ITGAE: variants seen among roughly 807,000 people sequenced by gnomAD.
ITGAE encodes integrin alpha-E.
In ITGAE, 99 loss-of-function variants were observed where a neutral mutation model predicts 136.5. The observed-to-expected ratio is 0.73, with a 90% CI of 0.62 to 0.86. The LOEUF is 0.86. ITGAE is among the 40% of genes least tolerant of loss of function. The pLI, the probability that ITGAE is intolerant of heterozygous loss-of-function variation, is 0.00. For missense variants in ITGAE, 1,447 were observed against 1,515.3 expected (o/e 0.95, Z 0.75); for synonymous variants, 613 against 591.8 (o/e 1.04, Z -0.52).
intron 26 of ITGAE, chr17:3,724,006 A>G (rs1410085252): frequency 6.3e-7 from 1 of 1,593,644 alleles, no homozygotes; most frequent in Non-Finnish European, 8.5e-7. Flanking sequence ...GGCAGGAGAC[A>G]GCGGCGGCCG....
At chr17:3,761,285 T>TGCCTTGCTCCACTGTGG in intron 5 of ITGAE, 108 bp from the exon 6 acceptor site, 1 of 1,548,896 alleles carries the variant, frequency 6.5e-7, no homozygotes, top group Non-Finnish European at 8.7e-7. Flanking sequence ...GCCTCAACCC[T>TGCCTTGCTCCACTGTGG]GCCTTGCTCC....
At chr17:3,752,930 C>A (rs1315430405) in intron 14 of ITGAE, among the ~76,000 whole-genome samples, 1 of 152,190 alleles carries the variant, frequency 6.6e-6, no homozygotes, top group African/African-American at 2.4e-5. Context: ...TGCCTGTAAT[C>A]CCAGCTACTT....
At chr17:3,740,951 A>G (rs1298897722) in intron 19 of ITGAE, among the ~76,000 whole-genome samples, 2 of 152,196 alleles carry the variant, frequency 1.3e-5, no homozygotes, top group African/African-American at 2.4e-5. Context: ...GGGGAATGAC[A>G]GCCCAGGGCT....
Position 3,759,911 on chromosome 17 carries a change from C to T in ITGAE, c.714+261G>A, listed in dbSNP as rs556170610. Among the ~76,000 whole-genome samples, 13 of 152,204 alleles carry T rather than the reference C, an allele frequency of 8.5e-5. No individual in the cohort carries two copies. In the East Asian group the frequency reaches 1.2e-3, roughly 14 times the overall value. On this transcript the variant is annotated intron_variant, in intron 7 of 30. Coordinates refer to ENST00000263087, the MANE Select transcript of ITGAE (RefSeq NM_002208.5). ...TGGCCCTCTTAGAATGTTGCTGCCA[C>T]GAAAAAGTTGGGCTGGCCTGCTAAA...
intron 30 of ITGAE, among the ~76,000 whole-genome samples, chr17:3,715,567 A>G (rs1457928699): frequency 6.6e-6 from 1 of 152,168 alleles, no homozygotes; most frequent in African/African-American, 2.4e-5. Context: ...TTGTTGGGAG[A>G]AAAAAGCAAG....
chr17:3,715,390 G>A (rs1053945790), intron 30 of ITGAE, among the ~76,000 whole-genome samples: 1 of 152,274 alleles, frequency 6.6e-6, no homozygotes, highest in Non-Finnish European at 1.5e-5. Flanking sequence ...GTTTCTAGAA[G>A]GGAGCTCACA....
intron 11 of ITGAE, 89 bp downstream of exon 11, chr17:3,755,741 C>A: frequency 9.1e-7 from 1 of 1,100,242 alleles, no homozygotes; most frequent in Non-Finnish European, 1.3e-6. Context: ...GGGCAGAGCC[C>A]TGGATGGGAG....
intron 2 of ITGAE, among the ~76,000 whole-genome samples, chr17:3,770,933 A>C (rs1224242426): frequency 6.6e-6 from 1 of 152,102 alleles, no homozygotes; most frequent in Non-Finnish European, 1.5e-5. Flanking sequence ...TAGGCAGGAG[A>C]CAGTTACAGA....
In ITGAE at chr17:3,723,330, A is replaced by G. The variant is rs1458981230; in HGVS notation, c.3195T>C (p.Asn1065=). The change falls in exon 28 of 31, where the codon AAT becomes AAC. Residue 1065 remains asparagine (N), a synonymous_variant. Coordinates refer to ENST00000263087, the MANE Select transcript of ITGAE (RefSeq NM_002208.5). Reference sequence around the variant, plus strand: ...AGGAGATCTCTGCAGCCACGGTGACATTTTCTTTATCTGAAGCGATGACAC... The same window carrying G: ...AGGAGATCTCTGCAGCCACGGTGACGTTTTCTTTATCTGAAGCGATGACAC... ...VSCVIASDKE[N]VTVAAEISWD... The G allele has an allele frequency of 2.5e-6, 4 of 1,613,974 alleles. No individual in the cohort carries two copies. Among genetic ancestry groups the G allele is most frequent in the Admixed American group, 1.7e-5 (1 of 60,024 alleles).
intron 13 of ITGAE, 117 bp downstream of exon 13, chr17:3,753,666 G>T: frequency 2.2e-6 from 3 of 1,348,334 alleles, no homozygotes; most frequent in Non-Finnish European, 3.0e-6. Flanking sequence ...TCAGGAGCCT[G>T]AGTTTCACCC....
At chr17:3,770,804 G>A (rs1007520864) in intron 2 of ITGAE, among the ~76,000 whole-genome samples, 1 of 152,150 alleles carries the variant, frequency 6.6e-6, no homozygotes, top group African/African-American at 2.4e-5. Context: ...AGCCCTCTGC[G>A]ACACGGGCTC....
At chr17:3,762,514 T>A (rs1237121156) in intron 3 of ITGAE, among the ~76,000 whole-genome samples, 3 of 151,986 alleles carry the variant, frequency 2.0e-5, no homozygotes, top group African/African-American at 7.3e-5. Context: ...GTCTTATTTT[T>A]CAGTCATGGA....
chr17:3,746,047 T>C (rs1392056439), intron 17 of ITGAE, 120 bp from the exon 18 acceptor site: 2 of 857,884 alleles, frequency 2.3e-6, no homozygotes, highest in Non-Finnish European at 3.6e-6. Context: ...ATGCAGGTAC[T>C]TCCCTGCGGC....
intron 2 of ITGAE, among the ~76,000 whole-genome samples, chr17:3,771,780 G>C (rs547329392): frequency 6.6e-6 from 1 of 152,032 alleles, no homozygotes; most frequent in African/African-American, 2.4e-5. Flanking sequence ...CAGGTGACCC[G>C]CCCGCCTTGG....
chr17:3,722,176 GAA>G (rs999982025), intron 28 of ITGAE, among the ~76,000 whole-genome samples: 4 of 144,874 alleles, frequency 2.8e-5, no homozygotes, highest in Non-Finnish European at 6.0e-5. Flanking sequence ...TTGAAAGAAA[GAA>G]AAGAAAAGAA....
intron 8 of ITGAE, among the ~76,000 whole-genome samples, chr17:3,758,229 A>G (rs1362359918): frequency 6.6e-6 from 1 of 152,154 alleles, no homozygotes; most frequent in Non-Finnish European, 1.5e-5. Flanking sequence ...CACAAAATCT[A>G]TCAGGCAAGT....
At position 3,777,634 on chromosome 17, in the gene ITGAE, C is replaced by T. The variant is rs745653917; in HGVS notation, c.61G>A (p.Val21Met). Residue 21 changes from valine to methionine, a missense_variant, in exon 2 of 31, where the codon GTG becomes ATG. Physicochemically the swap from Val to Met is conservative, Grantham distance 21. Transcript: ENST00000263087. ...GTGAGCCAGGGCCGGGCCACATCCA[C>T]ATTGAAAGCGGCCAGCAGGGCCAGG... ...ASLALLAAFN[V>M]DVARPWLTPK... 1.9e-6 allele frequency: 3 copies of T among 1,613,672 alleles called. No individual in the cohort carries two copies. Among genetic ancestry groups the T allele is most frequent in the Non-Finnish European group, 2.5e-6 (3 of 1,179,830 alleles).
At chr17:3,761,606 C>T (rs1260270232) in intron 4 of ITGAE, 86 bp from the exon 5 acceptor site, 3 of 1,251,494 alleles carry the variant, frequency 2.4e-6, no homozygotes, top group South Asian at 1.4e-5. Flanking sequence ...CATTCCAGAA[C>T]TCAGTGGCTC....
intron 2 of ITGAE, among the ~76,000 whole-genome samples, chr17:3,777,228 T>C (rs2052565331): frequency 6.6e-6 from 1 of 152,314 alleles, no homozygotes; most frequent in African/African-American, 2.4e-5. Context: ...CCCAAAGTGC[T>C]GGGATTACAG....
Sources: allele counts gnomAD v4.1 joint callset (sites outside exome capture counted in the v4.1 genomes callset), GRCh38; gene constraint gnomAD v4.1.1; transcripts MANE v1.5; gene names NCBI Gene and HGNC (gene_info 2026-07-23, HGNC 2026-07-21).